The following PHACTR4 variants were observed in gnomAD, a reference collection of about 807,000 sequenced individuals.
PHACTR4 encodes the protein protein phosphatase 1, regulatory subunit 124.
PHACTR4 carries 51 observed loss-of-function variants against 72.7 expected under a neutral mutation model. The observed-to-expected ratio is 0.70, with a 90% CI of 0.56 to 0.89. The LOEUF is 0.89. Among genes scored for constraint, PHACTR4 ranks in the 40% least tolerant of loss-of-function variants. The pLI, the probability that PHACTR4 is intolerant of heterozygous loss-of-function variation, is 0.00. For synonymous variants in PHACTR4, 255 were observed against 302.5 expected (o/e 0.84, Z 1.63); for missense variants, 731 against 861.8 (o/e 0.85, Z 1.90).
At chr1:28,492,895 G>A in intron 12 of PHACTR4, 120 bp from the exon 13 acceptor site, 1 of 732,906 alleles carries the variant, frequency 1.4e-6, no homozygotes, top group Non-Finnish European at 2.3e-6. Flanking sequence ...CTGGTGTCTG[G>A]GTTGCCTGTG....
At chr1:28,389,393 GAAAA>G (rs1004476486) in intron 1 of PHACTR4, among the ~76,000 whole-genome samples, 4 of 147,612 alleles carry the variant, frequency 2.7e-5, no homozygotes, top group African/African-American at 9.9e-5. Flanking sequence ...AAAATTAAAA[GAAAA>G]AAAATAACAA....
intron 2 of PHACTR4, among the ~76,000 whole-genome samples, chr1:28,445,821 G>A (rs1236500823): frequency 2.6e-5 from 4 of 152,156 alleles, no homozygotes; most frequent in African/African-American, 9.7e-5. Context: ...TTGAGCCCAG[G>A]AGGTTGAGGC....
At chr1:28,410,234 G>A (rs1654687219) in intron 2 of PHACTR4, among the ~76,000 whole-genome samples, 1 of 152,028 alleles carries the variant, frequency 6.6e-6, no homozygotes, top group African/African-American at 2.4e-5. Flanking sequence ...CCAAAGTGCT[G>A]GGATTACAGG....
intron 9 of PHACTR4, among the ~76,000 whole-genome samples, 174 bp downstream of exon 9, chr1:28,480,778 T>C (rs1379825284): frequency 6.6e-6 from 1 of 151,276 alleles, no homozygotes; most frequent in East Asian, 2.0e-4. Flanking sequence ...AACCTCCACC[T>C]CCCAGGTTCG....
chr1:28,474,375 T>G (rs1000378045), intron 7 of PHACTR4, among the ~76,000 whole-genome samples: 2 of 151,554 alleles, frequency 1.3e-5, no homozygotes, highest in East Asian at 4.0e-4. Flanking sequence ...ATAACAAAAA[T>G]TGGCCAGGCG....
intron 2 of PHACTR4, chr1:28,457,303 A>C (rs767725667): frequency 4.2e-5 from 19 of 448,220 alleles, no homozygotes; most frequent in South Asian, 3.0e-4. Context: ...CTAGTTTTAA[A>C]AGAGAGAGAG....
intron 1 of PHACTR4, among the ~76,000 whole-genome samples, chr1:28,388,189 C>CAA (rs60155544): frequency 4.9e-4 from 73 of 150,454 alleles, no homozygotes; most frequent in African/African-American, 1.5e-3. Flanking sequence ...GACTCTGTCT[C>CAA]AAAAAAAACA....
intron 1 of PHACTR4, among the ~76,000 whole-genome samples, chr1:28,376,033 C>T (rs1651633105): frequency 6.6e-6 from 1 of 151,928 alleles, no homozygotes; most frequent in Non-Finnish European, 1.5e-5. Context: ...CACACCATTG[C>T]ACTCCAGCCT....
intron 1 of PHACTR4, among the ~76,000 whole-genome samples, chr1:28,391,657 G>A (rs2124195853): frequency 7.1e-6 from 1 of 139,896 alleles, no homozygotes; most frequent in Non-Finnish European, 1.5e-5. Context: ...CCAGGGTGGA[G>A]TGCAATGGCA....
chr1:28,419,533 C>T (rs1172946635), intron 2 of PHACTR4, among the ~76,000 whole-genome samples: 2 of 151,862 alleles, frequency 1.3e-5, no homozygotes, highest in African/African-American at 2.4e-5. Flanking sequence ...ACCTCTGCCT[C>T]CTGGGTTCAA....
Position 28,466,416 on chromosome 1 carries a change from G to A in PHACTR4, c.471G>A (p.Glu157=), listed in dbSNP as rs539269643. 2.5e-6 allele frequency: 4 copies of A among 1,613,532 alleles called. No homozygotes were observed. In the African/African-American group the frequency reaches 4.0e-5, roughly 16 times the overall value. The part of the protein sequence containing the change: ...STGSQPNSEA[E]SVPENVPKPP... Reference sequence around the variant, plus strand: ...GAAGCCAGCCTAATTCTGAAGCAGAGTCTGTTCCTGAGAATGTACCCAAAC... The same window carrying A: ...GAAGCCAGCCTAATTCTGAAGCAGAATCTGTTCCTGAGAATGTACCCAAAC... The change falls in exon 6 of 14, where the codon GAG becomes GAA. Residue 157 remains glutamate, a synonymous_variant. Transcript: ENST00000373839.
chr1:28,389,746 G>C (rs921036807), intron 1 of PHACTR4, among the ~76,000 whole-genome samples: 1 of 151,980 alleles, frequency 6.6e-6, no homozygotes, highest in African/African-American at 2.4e-5. Context: ...CCAAGTTTTG[G>C]GATTACAGGC....
At chr1:28,480,219 C>T (rs749150471) in intron 8 of PHACTR4, among the ~76,000 whole-genome samples, 1 of 152,136 alleles carries the variant, frequency 6.6e-6, no homozygotes, top group African/African-American at 2.4e-5. Context: ...AATGTAGAGG[C>T]CTGATAGAAG....
intron 2 of PHACTR4, among the ~76,000 whole-genome samples, chr1:28,412,094 T>C (rs1654831484): frequency 6.6e-6 from 1 of 152,162 alleles, no homozygotes; most frequent in Non-Finnish European, 1.5e-5. Context: ...TCACTATTGG[T>C]CTCGTTGAAA....
At chr1:28,475,443 T>C (rs1347457851) in intron 7 of PHACTR4, among the ~76,000 whole-genome samples, 1 of 152,178 alleles carries the variant, frequency 6.6e-6, no homozygotes, top group Non-Finnish European at 1.5e-5. Context: ...ATTGCAGCAC[T>C]ACCACTCTTA....
At chr1:28,467,379 T>TTGTGTGTGTGTG (rs67853567) in intron 6 of PHACTR4, 4 of 146,676 alleles carry the variant, frequency 2.7e-5, no homozygotes, top group Non-Finnish European at 4.5e-5. Context: ...CTATACATAT[T>TTGTGTGTGTGTG]TGTGTGTGTG....
intron 2 of PHACTR4, chr1:28,432,938 G>A (rs1656374101): frequency 4.7e-6 from 1 of 212,716 alleles, no homozygotes; most frequent in Non-Finnish European, 8.1e-6. Flanking sequence ...TAGAGATGGG[G>A]TTTTACCATG....
At chr1:28,405,044 AT>A (rs1393873672) in intron 1 of PHACTR4, among the ~76,000 whole-genome samples, 1 of 152,162 alleles carries the variant, frequency 6.6e-6, no homozygotes, top group Non-Finnish European at 1.5e-5. Context: ...GTAAAGTGTT[AT>A]CTCATTGTGA....
intron 2 of PHACTR4, among the ~76,000 whole-genome samples, chr1:28,409,998 C>T (rs560327383): frequency 1.3e-3 from 147 of 111,440 alleles, no homozygotes; most frequent in African/African-American, 4.8e-3. Flanking sequence ...GACAGAGTCT[C>T]GCTGTGTCCC....
Sources: gnomAD v4.1 joint callset for allele counts (sites outside exome capture counted in the v4.1 genomes callset) on GRCh38, gnomAD v4.1.1 for gene constraint, MANE v1.5 for transcripts, NCBI Gene and HGNC (gene_info 2026-07-23, HGNC 2026-07-21) for gene names.